The following FSTL4 variants were observed in gnomAD, a reference collection of about 807,000 sequenced individuals.
FSTL4 encodes the protein follistatin-related protein 4.
In FSTL4, 28 loss-of-function variants were observed where a neutral mutation model predicts 78.2. That is an observed-to-expected ratio of 0.36 (90% CI 0.27 to 0.49). The LOEUF is 0.49. FSTL4 is among the 20% of genes least tolerant of loss of function. The probability of loss-of-function intolerance (pLI) is 0.98; values close to 1 mark genes in which losing one functional copy is unlikely to be tolerated. For missense variants in FSTL4, 922 were observed against 1,084.9 expected, an observed-to-expected ratio of 0.85 and a Z score of 2.11; for synonymous variants, 422 against 440.5, an observed-to-expected ratio of 0.96 and a Z score of 0.53.
chr5:133,784,799 G>C, the FSTL4 span, among the ~76,000 whole-genome samples: 1 of 152,004 alleles, frequency 6.6e-6, no homozygotes, highest in South Asian at 2.1e-4. Flanking sequence ...AGGTTTCAGG[G>C]CTAGATATTC....
the FSTL4 span, among the ~76,000 whole-genome samples, chr5:133,623,888 C>A: frequency 6.6e-6 from 1 of 151,772 alleles, no homozygotes; most frequent in Non-Finnish European, 1.5e-5. Context: ...CAAATCAAAC[C>A]ACAATGATAT....
rs1207470370 is a variant in FSTL4 at position 133,426,783 on chromosome 5, C to T, written c.161-25797G>A. On this transcript the variant is annotated intron_variant, in intron 3 of 15. Transcript: ENST00000265342. This position sits in a 1 kb window ranked among gnomAD's most constrained non-coding sequence, Gnocchi z 5.0. Reference sequence around the variant, plus strand: ...ATGCACTGATAGAAGCTCCAGTTCCCTTCTTTAGTTTAGCAAACACCACTG... The same window carrying T: ...ATGCACTGATAGAAGCTCCAGTTCCTTTCTTTAGTTTAGCAAACACCACTG... Among the ~76,000 whole-genome samples, 1 of 152,186 alleles carries T rather than the reference C, an allele frequency of 6.6e-6. No individual in the cohort carries two copies. The highest frequency in any genetic ancestry group is 2.4e-5 in the African/African-American group (1 of 41,438).
intron 3 of FSTL4, among the ~76,000 whole-genome samples, chr5:133,437,260 A>C (rs556128581): frequency 1.6e-4 from 25 of 152,256 alleles, no homozygotes. Flanking sequence ...GCAGTTGGAC[A>C]TATTGGCCTG....
intron 4 of FSTL4, among the ~76,000 whole-genome samples, chr5:133,378,118 C>A (rs926160137): frequency 4.6e-5 from 7 of 152,094 alleles, no homozygotes; most frequent in African/African-American, 1.7e-4. Flanking sequence ...TTGCTACATA[C>A]CCACTCTACA....
chr5:133,416,205 G>A (rs1236492919), intron 3 of FSTL4, among the ~76,000 whole-genome samples: 1 of 152,224 alleles, frequency 6.6e-6, no homozygotes, highest in Non-Finnish European at 1.5e-5. Context: ...ATAAAAGGCA[G>A]TCTGAAGAAG....
the FSTL4 span, among the ~76,000 whole-genome samples, chr5:133,655,507 T>G: frequency 6.6e-6 from 1 of 152,170 alleles, no homozygotes; most frequent in African/African-American, 2.4e-5. Context: ...AAGAATGGTG[T>G]TCATTAAGAG....
the FSTL4 span, among the ~76,000 whole-genome samples, chr5:133,794,985 C>T: frequency 1.6e-4 from 25 of 152,324 alleles, 1 homozygote; most frequent in South Asian, 5.2e-3. Context: ...GTCCAGGCTG[C>T]TCCTGGTGCC....
Position 133,197,896 on chromosome 5 carries a change from G to A in FSTL4, c.*1199C>T, listed in dbSNP as rs1458076777. 2 of 152,426 alleles carry A rather than the reference G, an allele frequency of 1.3e-5. No individual in the cohort carries two copies. The highest frequency in any genetic ancestry group is 4.8e-5 in the African/African-American group (2 of 41,446). 9.4% of individuals were successfully genotyped at this position (152,426 alleles called of 1,614,324 possible). Reference sequence around the variant, plus strand: ...TGAGACACATAAGGAGAATGCAGTAGTGCCAGCCTGTGGCCTTCTGTTCTG... The same window carrying A: ...TGAGACACATAAGGAGAATGCAGTAATGCCAGCCTGTGGCCTTCTGTTCTG... On this transcript the variant is annotated 3_prime_UTR_variant, in exon 16 of 16. Coordinates refer to ENST00000265342, the MANE Select transcript of FSTL4 (RefSeq NM_015082.2).
At chr5:133,448,546 G>T (rs1757313210) in intron 3 of FSTL4, among the ~76,000 whole-genome samples, 1 of 152,198 alleles carries the variant, frequency 6.6e-6, no homozygotes, top group Admixed American at 6.5e-5. Flanking sequence ...TTAAAGGGCG[G>T]TAACAACAAA....
At chr5:133,464,606 C>T (rs776919674) in intron 3 of FSTL4, among the ~76,000 whole-genome samples, 1 of 152,228 alleles carries the variant, frequency 6.6e-6, no homozygotes, top group Non-Finnish European at 1.5e-5. Context: ...TGAGCTCATA[C>T]TCCTACCTTC....
chr5:133,535,270 A>G (rs1042739312), intron 3 of FSTL4, among the ~76,000 whole-genome samples: 1 of 152,218 alleles, frequency 6.6e-6, no homozygotes, highest in Non-Finnish European at 1.5e-5. Flanking sequence ...ATCTGGCCAT[A>G]AACTGGCCCC....
intron 3 of FSTL4, among the ~76,000 whole-genome samples, chr5:133,471,502 C>G (rs567569935): frequency 6.6e-6 from 1 of 152,240 alleles, no homozygotes; most frequent in African/African-American, 2.4e-5. Context: ...AAAAGAGACC[C>G]CAGAGAGGCC....
chr5:133,726,376 C>T, the FSTL4 span, among the ~76,000 whole-genome samples: 11 of 152,332 alleles, frequency 7.2e-5, no homozygotes, highest in East Asian at 1.9e-3. Context: ...TGAAACACTC[C>T]TCTTGCAAAA....
the FSTL4 span, among the ~76,000 whole-genome samples, chr5:133,648,200 A>G: frequency 2.6e-5 from 4 of 152,244 alleles, no homozygotes; most frequent in Non-Finnish European, 5.9e-5. Context: ...AGTACAAACC[A>G]GTGAGTGACA....
At chr5:133,620,818 C>T in the FSTL4 span, among the ~76,000 whole-genome samples, 3 of 152,168 alleles carry the variant, frequency 2.0e-5, no homozygotes, top group East Asian at 3.8e-4. Flanking sequence ...GGGAACACTT[C>T]TACACTGCTG....
chr5:133,419,304 G>A (rs1338433105), intron 3 of FSTL4, among the ~76,000 whole-genome samples: 1 of 152,106 alleles, frequency 6.6e-6, no homozygotes, highest in Non-Finnish European at 1.5e-5. Flanking sequence ...ATTTTTAGTA[G>A]AGACAGGGTT....
intron 3 of FSTL4, among the ~76,000 whole-genome samples, chr5:133,453,599 C>T (rs1389421631): frequency 6.6e-6 from 1 of 152,228 alleles, no homozygotes; most frequent in Admixed American, 6.5e-5. Flanking sequence ...CCACCCAAGG[C>T]TGTCAACTTG....
chr5:133,540,744 G>GA (rs897801853), intron 3 of FSTL4, among the ~76,000 whole-genome samples: 1 of 119,822 alleles, frequency 8.3e-6, no homozygotes. Context: ...AAAAAAGAAA[G>GA]AAAAAAACAA....
Position 133,227,878 on chromosome 5 carries a change from C to A in FSTL4, c.1016-2059G>T, listed in dbSNP as rs189306846. ...GAAGGGATTAAAAAATATGAGAATGCTGTATTCAATTATTGGTAATAAATG... is the reference window on the plus strand; with the variant it reads ...GAAGGGATTAAAAAATATGAGAATGATGTATTCAATTATTGGTAATAAATG... On this transcript the variant is annotated intron_variant, in intron 8 of 15. Transcript: ENST00000265342. 5.4e-4 allele frequency among the ~76,000 whole-genome samples: 82 copies of A among 152,268 alleles called. 2 individuals carry two copies. Among genetic ancestry groups the A allele is most frequent in the Middle Eastern group, 3.4e-3 (1 of 294 alleles).
Sources: gnomAD v4.1 joint callset for allele counts (sites outside exome capture counted in the v4.1 genomes callset) on GRCh38, gnomAD v4.1.1 for gene constraint, Gnocchi (gnomAD v3.1) non-coding constraint, MANE v1.5 for transcripts, NCBI Gene and HGNC (gene_info 2026-07-23, HGNC 2026-07-21) for gene names.